TRIM2: variants seen among roughly 807,000 people sequenced by gnomAD.
TRIM2 encodes the protein tripartite motif-containing protein 2.
A neutral mutation model predicts 75.2 loss-of-function variants in TRIM2; 20 were observed. That is an observed-to-expected ratio of 0.27 (90% CI 0.19 to 0.39). The LOEUF (loss-of-function observed/expected upper bound fraction) is 0.39, where lower values mean the gene tolerates loss of function less well. Among genes scored for constraint, TRIM2 ranks in the 10% least tolerant of loss-of-function variants. The pLI, the probability that TRIM2 is intolerant of heterozygous loss-of-function variation, is 1.00. For missense variants in TRIM2, 660 were observed against 990.8 expected (o/e 0.67, Z 4.48); for synonymous variants, 373 against 388.3 (o/e 0.96, Z 0.46).
At chr4:153,199,096 TA>T (rs1734058205) in intron 1 of TRIM2, among the ~76,000 whole-genome samples, 1 of 152,198 alleles carries the variant, frequency 6.6e-6, no homozygotes, top group Admixed American at 6.5e-5. Context: ...TGCTAAGTAA[TA>T]TGATGATCAG....
Position 153,338,612 on chromosome 4 carries a change from T to C in TRIM2, c.*3646T>C. ...AAGTGCCCATCAAAGATTTGTTTGG[T>C]ATAAATAAAGAATTATTTGTTTTGT... On this transcript the variant is annotated 3_prime_UTR_variant, in exon 12 of 12. Transcript: ENST00000338700. The C allele has an allele frequency of 1.0e-6, 1 of 985,296 alleles. No homozygotes were observed. The highest frequency in any genetic ancestry group is 1.2e-6 in the Non-Finnish European group (1 of 829,442). The allele number at this position is 985,296 out of a possible 1,614,324, so 61.0% of individuals were successfully genotyped here.
chr4:153,324,360 A>T (rs1769677536), intron 10 of TRIM2: 1 of 368,558 alleles, frequency 2.7e-6, no homozygotes, highest in Admixed American at 5.0e-5. Flanking sequence ...TAAGTTGCTT[A>T]ATTTGAAACT....
At chr4:153,308,675 A>G (rs528522386) in intron 6 of TRIM2, 2 of 574,370 alleles carry the variant, frequency 3.5e-6, no homozygotes, top group South Asian at 2.8e-5. Context: ...AATTTGGTGT[A>G]GGCTTTGACT....
intron 6 of TRIM2, chr4:153,307,948 G>A (rs186310479): frequency 3.2e-4 from 243 of 755,072 alleles, no homozygotes; most frequent in East Asian, 1.0e-3. Context: ...TCGTACAGCC[G>A]GTCAGCGAAA....
At chr4:153,239,041 C>T (rs552559255) in intron 1 of TRIM2, among the ~76,000 whole-genome samples, 1 of 152,266 alleles carries the variant, frequency 6.6e-6, no homozygotes, top group South Asian at 2.1e-4. Flanking sequence ...GATTAGTGCT[C>T]AGTCTCCTTA....
intron 1 of TRIM2, among the ~76,000 whole-genome samples, chr4:153,213,251 A>G (rs1188965160): frequency 6.6e-6 from 1 of 152,192 alleles, no homozygotes; most frequent in East Asian, 1.9e-4. Flanking sequence ...CAGTTTCCAG[A>G]GCCTGTGTTT....
chr4:153,241,842 T>A (rs1434507993), intron 1 of TRIM2, among the ~76,000 whole-genome samples: 1 of 152,172 alleles, frequency 6.6e-6, no homozygotes, highest in East Asian at 1.9e-4. Flanking sequence ...GTATGCCGGA[T>A]AAAGGTCCCA....
rs1218693348 is a variant in TRIM2, at chr4:153,275,903, A to G, written c.226A>G (p.Asn76Asp). The G allele has an allele frequency of 6.2e-7, 1 of 1,614,104 alleles. No homozygotes were observed. The change falls in exon 3 of 12, where the codon AAC (asparagine) becomes GAC (aspartate). Residue 76 changes from asparagine (N) to aspartate (D), a missense_variant. Around this residue, in one of 2 missense-constraint regions of TRIM2, gnomAD observed 620 missense variants for 891.0 expected, o/e 0.70. Coordinates refer to ENST00000338700, the MANE Select transcript of TRIM2 (RefSeq NM_015271.5). ...CTGCTTCTGCAACAGGTGCCTGCAG[A>G]ACTACATTCCTGCCCACAGTTTAAC... is the stretch of plus-strand genomic sequence containing the variant. ...LHTFCERCLQ[N>D]YIPAHSLTLS...
intron 8 of TRIM2, among the ~76,000 whole-genome samples, chr4:153,317,967 A>G (rs894733367): frequency 6.6e-6 from 1 of 152,246 alleles, no homozygotes; most frequent in Non-Finnish European, 1.5e-5. Flanking sequence ...CTCAAAAGAA[A>G]AAAAAGACCT....
intron 1 of TRIM2, among the ~76,000 whole-genome samples, chr4:153,215,446 T>C (rs915869226): frequency 6.6e-6 from 1 of 152,152 alleles, no homozygotes; most frequent in Non-Finnish European, 1.5e-5. Flanking sequence ...AAGTACATTT[T>C]CTGGTTTTTG....
At chr4:153,270,130 G>A (rs1467045853) in intron 1 of TRIM2, among the ~76,000 whole-genome samples, 2 of 151,790 alleles carry the variant, frequency 1.3e-5, no homozygotes, top group Non-Finnish European at 2.9e-5. Context: ...GGGTTTCACT[G>A]TGTTAGCCAG....
intron 1 of TRIM2, among the ~76,000 whole-genome samples, chr4:153,216,882 A>G (rs1738624865): frequency 6.6e-6 from 1 of 152,192 alleles, no homozygotes; most frequent in African/African-American, 2.4e-5. Flanking sequence ...AACACTTCCT[A>G]AAGGCACCAA....
chr4:153,158,017 C>T (rs1437843214), intron 1 of TRIM2, among the ~76,000 whole-genome samples: 1 of 152,176 alleles, frequency 6.6e-6, no homozygotes, highest in East Asian at 1.9e-4. Context: ...AGCTTGTCAG[C>T]CAGGGTTTAC....
intron 1 of TRIM2, among the ~76,000 whole-genome samples, chr4:153,194,659 C>G (rs889930080): frequency 2.0e-5 from 3 of 152,120 alleles, no homozygotes; most frequent in Admixed American, 1.3e-4. Flanking sequence ...ATATTCCTAT[C>G]TTCATTGTGG....
chr4:153,242,283 G>C (rs1746834480), intron 1 of TRIM2, among the ~76,000 whole-genome samples: 1 of 151,884 alleles, frequency 6.6e-6, no homozygotes. Context: ...ACTACACAAA[G>C]TTGGTACTTA....
intron 8 of TRIM2, 52 bp downstream of exon 8, chr4:153,316,051 A>T: frequency 1.4e-6 from 2 of 1,480,690 alleles, no homozygotes; most frequent in Non-Finnish European, 1.8e-6. Context: ...GGAACAGGAA[A>T]TACAAAATGA....
intron 1 of TRIM2, among the ~76,000 whole-genome samples, chr4:153,241,726 C>T (rs28731399): frequency 0.14 from 21,650 of 152,092 alleles, 2,164 homozygotes; most frequent in African/African-American, 0.28. Context: ...TAAAACAAGG[C>T]GGCCTCCTTT....
rs370599567 is a variant in TRIM2, at chr4:153,239,351, C to CA, written c.31-30968dup. ...TAGGAGACACAGCGTGACTCCGTCT[C>CA]AAAAAAAAAAAAAAAAGAACTCTGG... On this transcript the variant is annotated intron_variant, in intron 1 of 11. Coordinates refer to ENST00000338700, the MANE Select transcript of TRIM2 (RefSeq NM_015271.5). Among the ~76,000 whole-genome samples, 461 of 107,380 alleles carry CA rather than the reference C, an allele frequency of 4.3e-3. 4 individuals carry two copies. The highest frequency in any genetic ancestry group is 0.029 in the Middle Eastern group (5 of 174). 70.4% of individuals were successfully genotyped at this position (107,380 alleles called of 152,430 possible).
At chr4:153,221,812 G>GAGGA (rs1391574753) in intron 1 of TRIM2, among the ~76,000 whole-genome samples, 1 of 104,724 alleles carries the variant, frequency 9.5e-6, no homozygotes, top group East Asian at 3.0e-4. Context: ...GGAAGGAAGG[G>GAGGA]AGGGAGGGAG....
Sources: gnomAD v4.1 joint callset for allele counts (sites outside exome capture counted in the v4.1 genomes callset) on GRCh38, gnomAD v4.1.1 for gene constraint, gnomAD v4.1.1 regional missense constraint, MANE v1.5 for transcripts, NCBI Gene and HGNC (gene_info 2026-07-23, HGNC 2026-07-21) for gene names.